Variants in C12orf42 observed in about 807,000 individuals in gnomAD.
C12orf42 encodes uncharacterized protein C12orf42.
Under a neutral mutation model 21.6 loss-of-function variants are expected in C12orf42, and 25 were observed. That is an observed-to-expected ratio of 1.16 (90% CI 0.84 to 1.62). The LOEUF (loss-of-function observed/expected upper bound fraction) is 1.62, where lower values mean the gene tolerates loss of function less well. Ranked by LOEUF, C12orf42 falls within the 40% of genes most tolerant of loss-of-function variation. The pLI, the probability that C12orf42 is intolerant of heterozygous loss-of-function variation, is 0.00. For synonymous variants in C12orf42, 174 were observed against 175.0 expected, an observed-to-expected ratio of 0.99 and a Z score of 0.05; for missense variants, 483 against 459.3, an observed-to-expected ratio of 1.05 and a Z score of -0.47.
At chr12:103,190,661 A>C in the C12orf42 span, among the ~76,000 whole-genome samples, 2 of 152,224 alleles carry the variant, frequency 1.3e-5, no homozygotes, top group East Asian at 3.8e-4. Context: ...AAGAGAAGAA[A>C]GAATAAAAGA....
At chr12:103,318,474 G>C (rs2039755877) in intron 4 of C12orf42, among the ~76,000 whole-genome samples, 1 of 152,116 alleles carries the variant, frequency 6.6e-6, no homozygotes, top group Admixed American at 6.5e-5. Flanking sequence ...AGTGAATACA[G>C]TTTTCTGTTG....
the C12orf42 span, among the ~76,000 whole-genome samples, chr12:103,217,655 C>T: frequency 6.6e-6 from 1 of 152,130 alleles, no homozygotes; most frequent in Non-Finnish European, 1.5e-5. Context: ...GGCTACTTTC[C>T]TACTCAAAAC....
At chr12:103,079,271 G>C in the C12orf42 span, among the ~76,000 whole-genome samples, 1 of 152,106 alleles carries the variant, frequency 6.6e-6, no homozygotes. Flanking sequence ...ACTTGGTCTT[G>C]ACTCTGAACA....
At chr12:103,173,657 CT>C in the C12orf42 span, among the ~76,000 whole-genome samples, 1 of 151,560 alleles carries the variant, frequency 6.6e-6, no homozygotes, top group Non-Finnish European at 1.5e-5. Context: ...ATATTAATGC[CT>C]TCCATTAAAC....
chr12:103,140,514 G>A, the C12orf42 span, among the ~76,000 whole-genome samples: 6 of 152,100 alleles, frequency 3.9e-5, no homozygotes, highest in Non-Finnish European at 7.3e-5. Flanking sequence ...GAGCCAAGCT[G>A]GCCAACACCG....
chr12:103,457,000 A>G (rs1328861342), intron 2 of C12orf42, among the ~76,000 whole-genome samples: 1 of 152,158 alleles, frequency 6.6e-6, no homozygotes, highest in African/African-American at 2.4e-5. Context: ...CTGAAAATGC[A>G]ATTTCTAAGA....
chr12:103,068,845 G>A, the C12orf42 span, among the ~76,000 whole-genome samples: 5 of 146,110 alleles, frequency 3.4e-5, no homozygotes, highest in African/African-American at 1.0e-4. Context: ...GTGATCATGG[G>A]AGTTAATACT....
chr12:103,313,752 G>A (rs528822638), intron 4 of C12orf42, among the ~76,000 whole-genome samples: 6 of 152,114 alleles, frequency 3.9e-5, no homozygotes, highest in Middle Eastern at 3.4e-3. Context: ...TGACCTCTTC[G>A]GTGGCAAGGA....
chr12:103,289,012 T>G (rs1485796183), intron 4 of C12orf42, among the ~76,000 whole-genome samples: 1 of 152,198 alleles, frequency 6.6e-6, no homozygotes, highest in Non-Finnish European at 1.5e-5. Flanking sequence ...TGGAACAAGG[T>G]GTTAGGCAAC....
chr12:103,491,828 T>G (rs1955203688), intron 1 of C12orf42, among the ~76,000 whole-genome samples: 1 of 152,186 alleles, frequency 6.6e-6, no homozygotes, highest in African/African-American at 2.4e-5. Context: ...TGGACATCAA[T>G]AAAGCTGATA....
intron 4 of C12orf42, among the ~76,000 whole-genome samples, chr12:103,291,440 G>A (rs1222297246): frequency 6.6e-6 from 1 of 152,214 alleles, no homozygotes; most frequent in African/African-American, 2.4e-5. Flanking sequence ...TGACAGAGTA[G>A]CGAAAGCAAA....
chr12:103,389,789 G>GCT (rs2046915437), intron 3 of C12orf42, among the ~76,000 whole-genome samples: 2 of 152,240 alleles, frequency 1.3e-5, no homozygotes, highest in South Asian at 4.2e-4. Flanking sequence ...AATTCACGAG[G>GCT]CTCAGTCTGA....
At chr12:103,450,311 A>G (rs112667394) in intron 2 of C12orf42, among the ~76,000 whole-genome samples, 1,924 of 152,056 alleles carry the variant, frequency 0.013, 43 homozygotes, top group African/African-American at 0.044. Flanking sequence ...CTGTCCTTTT[A>G]ATTTTTGATA....
chr12:103,189,922 T>C, the C12orf42 span, among the ~76,000 whole-genome samples: 3 of 152,318 alleles, frequency 2.0e-5, no homozygotes, highest in African/African-American at 7.2e-5. Flanking sequence ...GTAACTACTT[T>C]GTACTAGTCT....
chr12:103,281,860 T>C (rs554223395), intron 4 of C12orf42, among the ~76,000 whole-genome samples: 17 of 124,438 alleles, frequency 1.4e-4, no homozygotes, highest in Admixed American at 8.1e-4. Flanking sequence ...AACTAGACTA[T>C]GGAGAGAGAG....
At chr12:103,247,919 C>A (rs1472227930) in intron 10 of C12orf42, among the ~76,000 whole-genome samples, 1 of 152,026 alleles carries the variant, frequency 6.6e-6, no homozygotes, top group Admixed American at 6.6e-5. Flanking sequence ...GATGCCATTC[C>A]ATTCTCCCAA....
At chr12:103,414,268 C>G (rs548841453) in intron 2 of C12orf42, among the ~76,000 whole-genome samples, 2 of 151,994 alleles carry the variant, frequency 1.3e-5, no homozygotes, top group African/African-American at 4.8e-5. Flanking sequence ...TGTTTGTTGG[C>G]CATTTGCATA....
chr12:103,545,527 A>C, the C12orf42 span, among the ~76,000 whole-genome samples: 1 of 152,220 alleles, frequency 6.6e-6, no homozygotes, highest in South Asian at 2.1e-4. Context: ...AAAACTATTT[A>C]AGAGGGAAAA....
chr12:103,333,437 A>G (rs564304284), intron 4 of C12orf42, among the ~76,000 whole-genome samples: 2 of 152,248 alleles, frequency 1.3e-5, no homozygotes, highest in South Asian at 2.1e-4. Flanking sequence ...TTTAATTCAC[A>G]TAACAAGGAA....
Sources: allele counts gnomAD v4.1 joint callset (sites outside exome capture counted in the v4.1 genomes callset), GRCh38; gene constraint gnomAD v4.1.1; transcripts MANE v1.5; gene names NCBI Gene and HGNC (gene_info 2026-07-23, HGNC 2026-07-21).